Variants in CERS4 observed in about 807,000 individuals in gnomAD.
The protein encoded by CERS4 is LAG1 homolog, ceramide synthase 4.
Under a neutral mutation model 51.8 loss-of-function variants are expected in CERS4, and 65 were observed. That is an observed-to-expected ratio of 1.26 (90% CI 1.03 to 1.54). The LOEUF is 1.54. Among genes scored for constraint, CERS4 ranks in the 40% most tolerant of loss-of-function variants. The pLI, the probability that CERS4 is intolerant of heterozygous loss-of-function variation, is 0.00. For missense variants in CERS4, 563 were observed against 500.4 expected, an observed-to-expected ratio of 1.13 and a Z score of -1.19; for synonymous variants, 228 against 208.4, an observed-to-expected ratio of 1.09 and a Z score of -0.81.
intron 2 of CERS4, chr19:8,238,559 G>A: frequency 1.0e-6 from 1 of 985,356 alleles, no homozygotes. Flanking sequence ...TTCCAGAAGG[G>A]TAAGGAGGTG....
At chr19:8,216,489 A>T (rs1481668622) in intron 2 of CERS4, among the ~76,000 whole-genome samples, 2 of 151,576 alleles carry the variant, frequency 1.3e-5, no homozygotes, top group African/African-American at 4.9e-5. Flanking sequence ...AATTATCAAA[A>T]TGCAGGGCCA....
chr19:8,242,693 C>T (rs184833293), intron 2 of CERS4, among the ~76,000 whole-genome samples: 1 of 152,222 alleles, frequency 6.6e-6, no homozygotes, highest in African/African-American at 2.4e-5. Flanking sequence ...TTTTCCCCAC[C>T]ATTTTGTGTC....
At chr19:8,252,963 A>G (rs1261049926) in intron 3 of CERS4, among the ~76,000 whole-genome samples, 2 of 152,194 alleles carry the variant, frequency 1.3e-5, no homozygotes, top group Non-Finnish European at 2.9e-5. Context: ...CATTAGGACA[A>G]TAGGAACTGA....
At chr19:8,258,079 G>A (rs1969492416) in intron 10 of CERS4, 94 bp downstream of exon 10, 5 of 1,008,888 alleles carry the variant, frequency 5.0e-6, no homozygotes, top group Non-Finnish European at 7.8e-6. Context: ...CCAAGGAGCT[G>A]GGGATCTTGG....
chr19:8,234,141 C>T (rs573528766), intron 2 of CERS4, among the ~76,000 whole-genome samples: 1 of 149,602 alleles, frequency 6.7e-6, no homozygotes, highest in African/African-American at 2.5e-5. Flanking sequence ...CCCGTCTCTA[C>T]TAAAAATACA....
At position 8,255,879 on chromosome 19, in the gene CERS4, C is replaced by T. The variant is rs368700192; in HGVS notation, c.468C>T (p.His156=). ...SFVGGLSVLY[H]ESWLWAPVMC... is the part of the protein sequence containing the mutation. Reference sequence around the variant, plus strand: ...TGGGCGGCCTCTCGGTCCTGTACCACGTGAGTATACCAGAGTATAGCTGAC... The same window carrying T: ...TGGGCGGCCTCTCGGTCCTGTACCATGTGAGTATACCAGAGTATAGCTGAC... The change falls in exon 6 of 12, where the codon CAC becomes CAT. Residue 156 remains histidine (H), a splice_region_variant and synonymous_variant. Coordinates refer to ENST00000251363, the MANE Select transcript of CERS4 (RefSeq NM_024552.3). 2.4e-5 allele frequency: 39 copies of T among 1,613,694 alleles called. No individual in the cohort carries two copies. The highest frequency in any genetic ancestry group is 4.0e-5 in the African/African-American group (3 of 74,914).
chr19:8,217,407 C>T (rs1967344578), intron 2 of CERS4, among the ~76,000 whole-genome samples: 1 of 152,042 alleles, frequency 6.6e-6, no homozygotes. Context: ...CTCGCTCTGT[C>T]GCTCAGGCTG....
In CERS4 at chr19:8,251,202, C is replaced by T. The variant is rs764631415; in HGVS notation, c.126C>T (p.Ala42=). The change falls in exon 3 of 12, where the codon GCC becomes GCT. Residue 42 remains alanine (A), a synonymous_variant. Transcript: ENST00000251363. Reference sequence around the variant, plus strand: ...CCCACCCCCAGGACTTGTTGGCAGCCCTGCCCCTGGCGCTGGTCCTCCTGG... The same window carrying T: ...CCCACCCCCAGGACTTGTTGGCAGCTCTGCCCCTGGCGCTGGTCCTCCTGG... ...VYPHPQDLLA[A]LPLALVLLAM... 1 of 1,612,868 alleles carries T rather than the reference C, an allele frequency of 6.2e-7. No individual in the cohort carries two copies. Among genetic ancestry groups the T allele is most frequent in the Non-Finnish European group, 8.5e-7 (1 of 1,179,540 alleles).
intron 2 of CERS4, among the ~76,000 whole-genome samples, chr19:8,223,945 A>C (rs973881463): frequency 2.0e-5 from 3 of 151,044 alleles, no homozygotes; most frequent in Admixed American, 1.3e-4. Flanking sequence ...CTAAAAATAC[A>C]AAAAAAATTA....
intron 2 of CERS4, among the ~76,000 whole-genome samples, chr19:8,232,723 C>CT (rs71165298): frequency 0.021 from 2,904 of 138,512 alleles, 74 homozygotes; most frequent in African/African-American, 0.056. Flanking sequence ...TTATTTAAAC[C>CT]TTTTTTTTTT....
chr19:8,258,516 C>T (rs1020967153), intron 10 of CERS4, among the ~76,000 whole-genome samples: 1 of 151,350 alleles, frequency 6.6e-6, no homozygotes, highest in Non-Finnish European at 1.5e-5. Context: ...CCAGACCAGC[C>T]TGGCCAACAT....
chr19:8,260,565 G>A (rs899578635), intron 10 of CERS4, among the ~76,000 whole-genome samples: 15 of 150,964 alleles, frequency 9.9e-5, no homozygotes, highest in Admixed American at 8.6e-4. Flanking sequence ...AAAGAAATAA[G>A]TTGGTGCCCA....
chr19:8,261,566 G>A (rs1450806734), intron 10 of CERS4, 122 bp from the exon 11 acceptor site: 12 of 1,111,112 alleles, frequency 1.1e-5, no homozygotes, highest in African/African-American at 1.6e-5. Flanking sequence ...CATGGGGTGG[G>A]GGGCACTAGG....
intron 2 of CERS4, among the ~76,000 whole-genome samples, chr19:8,234,470 A>G (rs1013885486): frequency 2.1e-4 from 31 of 150,820 alleles, no homozygotes; most frequent in Non-Finnish European, 4.1e-4. Context: ...TTTGTTTTCC[A>G]AAACTGAAAT....
rs1359915746 is a variant in CERS4 at position 8,251,182 on chromosome 19, C to T, written c.106C>T (p.Pro36Ser). 5 of 1,613,436 alleles carry T rather than the reference C, an allele frequency of 3.1e-6. No homozygotes were observed. In the South Asian group the frequency reaches 5.5e-5, roughly 18 times the overall value. The change falls in exon 3 of 12, where the codon CCC becomes TCC. Residue 36 changes from proline to serine, a missense_variant. By Grantham distance (74) the Pro-to-Ser change is moderately conservative. Transcript: ENST00000251363. ...CCGGGATGGCCGTGTCTACCCCCAC[C>T]CCCAGGACTTGTTGGCAGCCCTGCC... ...EDRDGRVYPH[P>S]QDLLAALPLA...
At chr19:8,213,430 C>T (rs1967159191) in intron 2 of CERS4, among the ~76,000 whole-genome samples, 1 of 152,108 alleles carries the variant, frequency 6.6e-6, no homozygotes, top group Non-Finnish European at 1.5e-5. Context: ...CTCCTGAGAG[C>T]TGGGACCACA....
chr19:8,225,586 G>C (rs1967753781), intron 2 of CERS4, among the ~76,000 whole-genome samples: 1 of 151,836 alleles, frequency 6.6e-6, no homozygotes, highest in South Asian at 2.1e-4. Flanking sequence ...ACCAAGCCCA[G>C]CTAATTTTTG....
chr19:8,258,109 A>C (rs953178101), intron 10 of CERS4, 124 bp downstream of exon 10: 13 of 784,030 alleles, frequency 1.7e-5, no homozygotes, highest in African/African-American at 5.1e-5. Flanking sequence ...TTCCAGGAGG[A>C]GGCAGGGAAG....
Position 8,210,654 on chromosome 19 carries a change from T to C in CERS4, c.-158-52T>C, listed in dbSNP as rs940427911. The C allele has an allele frequency of 2.0e-4, 30 of 152,182 alleles. No homozygotes were observed. The highest frequency in any genetic ancestry group is 7.0e-4 in the African/African-American group (29 of 41,348). 9.4% of individuals were successfully genotyped at this position (152,182 alleles called of 1,614,324 possible). A position where few individuals can be genotyped will look rare whatever the true frequency, so the allele number is the denominator to read the frequency against. On this transcript the variant is annotated intron_variant, in intron 1 of 11. Coordinates refer to ENST00000251363, the MANE Select transcript of CERS4 (RefSeq NM_024552.3). This position sits in a 1 kb window ranked among gnomAD's most constrained non-coding sequence, Gnocchi z 4.2. ...GGGATAGGGTTCCTGGACTGTGGAA[T>C]TGTCTTTGAAGCCCTCGGCCTCCCC...
Sources: allele counts gnomAD v4.1 joint callset (sites outside exome capture counted in the v4.1 genomes callset), GRCh38; gene constraint gnomAD v4.1.1; non-coding constraint Gnocchi (gnomAD v3.1); transcripts MANE v1.5; gene names NCBI Gene and HGNC (gene_info 2026-07-23, HGNC 2026-07-21).